GLMN: variants seen among roughly 807,000 people sequenced by gnomAD.
GLMN encodes glomulin, FKBP associated protein, also known as glomulin.
GLMN carries 75 observed loss-of-function variants against 87.8 expected under a neutral mutation model. The observed-to-expected ratio is 0.85, with a 90% CI of 0.71 to 1.04. The LOEUF is 1.04. Ranked by LOEUF, GLMN falls within the 50% of genes least tolerant of loss-of-function variation. The pLI is 0.00. For synonymous variants in GLMN, 206 were observed against 221.6 expected, an observed-to-expected ratio of 0.93 and a Z score of 0.63; for missense variants, 588 against 658.8, an observed-to-expected ratio of 0.89 and a Z score of 1.18.
chr1:92,279,646 C>T (rs531320852), intron 7 of GLMN, among the ~76,000 whole-genome samples: 5 of 152,218 alleles, frequency 3.3e-5, no homozygotes, highest in African/African-American at 7.2e-5. Flanking sequence ...TGAGGCAGGG[C>T]GGGGCATTGC....
At chr1:92,292,449 C>T (rs566581495) in intron 3 of GLMN, among the ~76,000 whole-genome samples, 6 of 152,066 alleles carry the variant, frequency 3.9e-5, no homozygotes, top group Non-Finnish European at 8.8e-5. Flanking sequence ...CTCGCTCTGT[C>T]GCCCAGGCTG....
the GLMN span, among the ~76,000 whole-genome samples, chr1:92,329,127 G>A: frequency 1.3e-3 from 199 of 152,266 alleles, no homozygotes; most frequent in Non-Finnish European, 2.1e-3. Flanking sequence ...CAGCCAGGAG[G>A]TGGTGCTTTC....
chr1:92,342,471 C>G, the GLMN span, among the ~76,000 whole-genome samples: 4 of 152,164 alleles, frequency 2.6e-5, no homozygotes, highest in Non-Finnish European at 5.9e-5. Flanking sequence ...TATGATCATT[C>G]TTTGACCTTT....
chr1:92,258,268 G>A (rs1476561262), intron 16 of GLMN, among the ~76,000 whole-genome samples: 1 of 152,142 alleles, frequency 6.6e-6, no homozygotes, highest in Admixed American at 6.6e-5. Context: ...TGCTGGAGAG[G>A]ATGTGGAGAA....
chr1:92,305,450 A>AAAAAAAAAAAAAAAAC, the GLMN span, among the ~76,000 whole-genome samples: 6 of 141,848 alleles, frequency 4.2e-5, no homozygotes, highest in African/African-American at 1.8e-4. Flanking sequence ...AAAAAAAAAA[A>AAAAAAAAAAAAAAAAC]AGACAATATG....
intron 7 of GLMN, among the ~76,000 whole-genome samples, chr1:92,285,444 T>G (rs1648621862): frequency 6.6e-6 from 1 of 151,630 alleles, no homozygotes; most frequent in Non-Finnish European, 1.5e-5. Flanking sequence ...GTGGGGAACA[T>G]CACACACCAT....
intron 7 of GLMN, among the ~76,000 whole-genome samples, chr1:92,281,574 T>C (rs1040368047): frequency 1.3e-5 from 2 of 151,886 alleles, no homozygotes; most frequent in African/African-American, 4.8e-5. Context: ...ACAGAAAAAA[T>C]AACCAGCTAT....
chr1:92,302,537 A>G (rs868349249), upstream of GLMN, among the ~76,000 whole-genome samples: 14 of 151,216 alleles, frequency 9.3e-5, no homozygotes, highest in South Asian at 2.1e-4. Flanking sequence ...AAAACCTGAA[A>G]TACAGCTCAT....
At chr1:92,276,296 T>C (rs1647290886) in intron 7 of GLMN, among the ~76,000 whole-genome samples, 1 of 151,926 alleles carries the variant, frequency 6.6e-6, no homozygotes, top group African/African-American at 2.4e-5. Flanking sequence ...TAAAATATTA[T>C]ATTTTAAATT....
the GLMN span, among the ~76,000 whole-genome samples, chr1:92,335,878 T>A: frequency 6.6e-6 from 1 of 152,308 alleles, no homozygotes; most frequent in East Asian, 1.9e-4. Context: ...ATTAAATTTT[T>A]TTCATAGTAA....
the GLMN span, among the ~76,000 whole-genome samples, chr1:92,338,103 T>C: frequency 1.3e-5 from 2 of 152,176 alleles, no homozygotes; most frequent in African/African-American, 4.8e-5. Flanking sequence ...TTGTGGTATT[T>C]TACACTTCAG....
At chr1:92,253,614 T>C (rs1653821723) in intron 16 of GLMN, among the ~76,000 whole-genome samples, 1 of 152,152 alleles carries the variant, frequency 6.6e-6, no homozygotes, top group African/African-American at 2.4e-5. Context: ...CCAATGGTGA[T>C]ACCCGGGCAA....
At chr1:92,323,004 TATAA>T in the GLMN span, among the ~76,000 whole-genome samples, 9 of 147,200 alleles carry the variant, frequency 6.1e-5, no homozygotes, top group East Asian at 1.9e-4. Context: ...TATGTGTACA[TATAA>T]ATATATACTT....
the GLMN span, among the ~76,000 whole-genome samples, chr1:92,309,240 G>A: frequency 2.6e-5 from 4 of 152,022 alleles, no homozygotes; most frequent in Non-Finnish European, 4.4e-5. Flanking sequence ...TCAAGAGATC[G>A]AGACCATCCT....
chr1:92,294,800 T>A (rs1649831136), intron 3 of GLMN, among the ~76,000 whole-genome samples: 1 of 152,114 alleles, frequency 6.6e-6, no homozygotes, highest in Non-Finnish European at 1.5e-5. Flanking sequence ...CATCTCAGTC[T>A]CCCGAGTAGC....
intron 16 of GLMN, among the ~76,000 whole-genome samples, chr1:92,257,399 T>A (rs1368968037): frequency 6.6e-6 from 1 of 152,184 alleles, no homozygotes; most frequent in East Asian, 1.9e-4. Flanking sequence ...AAAAACTACT[T>A]TAAATTTCAT....
the GLMN span, chr1:92,307,295 TATATAC>T: frequency 6.7e-7 from 1 of 1,493,380 alleles, no homozygotes; most frequent in Admixed American, 1.8e-5. Flanking sequence ...AGTCATTGTG[TATATAC>T]ATTTGTTCAT....
At chr1:92,370,545 C>G in the GLMN span, among the ~76,000 whole-genome samples, 1 of 152,104 alleles carries the variant, frequency 6.6e-6, no homozygotes, top group African/African-American at 2.4e-5. Flanking sequence ...GAAACAGTGT[C>G]TAGAATTTAA....
the GLMN span, among the ~76,000 whole-genome samples, chr1:92,339,530 C>T: frequency 2.0e-5 from 3 of 152,072 alleles, no homozygotes; most frequent in African/African-American, 7.2e-5. Context: ...GGTTTTCCTG[C>T]CTGCTCCCTT....
Sources: allele counts gnomAD v4.1 joint callset (sites outside exome capture counted in the v4.1 genomes callset), GRCh38; gene constraint gnomAD v4.1.1; transcripts MANE v1.5; gene names NCBI Gene and HGNC (gene_info 2026-07-23, HGNC 2026-07-21).